PIP5K1B: variants seen among roughly 807,000 people sequenced by gnomAD.
The protein encoded by PIP5K1B is phosphatidylinositol-4-phosphate 5-kinase type 1 beta.
PIP5K1B carries 42 observed loss-of-function variants against 67.0 expected under a neutral mutation model. That is an observed-to-expected ratio of 0.63 (90% CI 0.49 to 0.81). The LOEUF (loss-of-function observed/expected upper bound fraction) is 0.81. Among genes scored for constraint, PIP5K1B ranks in the 30% least tolerant of loss-of-function variants. The pLI is 0.00. For missense variants in PIP5K1B, 459 were observed against 646.3 expected (o/e 0.71, Z 3.14); for synonymous variants, 214 against 231.4 (o/e 0.92, Z 0.68).
intron 8 of PIP5K1B, among the ~76,000 whole-genome samples, chr9:68,898,264 C>CCAAA (rs1825190247): frequency 6.6e-6 from 1 of 152,172 alleles, no homozygotes; most frequent in East Asian, 1.9e-4. Flanking sequence ...AGCAGGCATC[C>CCAAA]AGATGTCAGG....
At chr9:68,878,692 T>A (rs900117562) in intron 6 of PIP5K1B, among the ~76,000 whole-genome samples, 11 of 152,184 alleles carry the variant, frequency 7.2e-5, no homozygotes, top group Non-Finnish European at 1.6e-4. Context: ...GGAATACTAA[T>A]TTGTCTATGT....
chr9:68,844,980 A>C (rs1365122486), intron 4 of PIP5K1B, among the ~76,000 whole-genome samples: 3 of 152,226 alleles, frequency 2.0e-5, no homozygotes, highest in Non-Finnish European at 4.4e-5. Flanking sequence ...AAATGGTGGA[A>C]TGAAATATGT....
intron 1 of PIP5K1B, among the ~76,000 whole-genome samples, chr9:68,722,969 C>T (rs989645526): frequency 6.6e-6 from 1 of 152,148 alleles, no homozygotes; most frequent in Admixed American, 6.5e-5. Flanking sequence ...CCCTTCACAG[C>T]CTCTCATAAC....
intron 4 of PIP5K1B, among the ~76,000 whole-genome samples, chr9:68,844,331 A>G (rs11143985): frequency 0.014 from 2,121 of 152,316 alleles, 46 homozygotes; most frequent in African/African-American, 0.048. Context: ...AACCCACCAC[A>G]GTTTCCTCTA....
chr9:68,906,640 A>G (rs949656989), intron 8 of PIP5K1B, among the ~76,000 whole-genome samples: 6 of 152,224 alleles, frequency 3.9e-5, no homozygotes, highest in African/African-American at 4.8e-5. Context: ...TATTTAAAAT[A>G]TCTTCATCCA....
At chr9:68,979,514 G>GTTTCTCCCTCC (rs138060919) in intron 14 of PIP5K1B, among the ~76,000 whole-genome samples, 143,462 of 151,720 alleles carry the variant, frequency 0.95, 68,005 homozygotes, top group East Asian at 0.99. Flanking sequence ...CTTTAAAAAG[G>GTTTCTCCCTCC]AGGAACCCTT....
intron 14 of PIP5K1B, among the ~76,000 whole-genome samples, chr9:68,970,058 C>T (rs970044590): frequency 2.0e-5 from 3 of 152,098 alleles, no homozygotes; most frequent in Non-Finnish European, 4.4e-5. Context: ...AACCAGGGTG[C>T]ATAGAAGTGA....
intron 1 of PIP5K1B, among the ~76,000 whole-genome samples, chr9:68,721,901 C>A (rs142578002): frequency 6.6e-6 from 1 of 152,202 alleles, no homozygotes; most frequent in East Asian, 1.9e-4. Flanking sequence ...GTGGCTCATT[C>A]CGTTGTTTTC....
chr9:68,720,876 G>T (rs939039264), intron 1 of PIP5K1B, among the ~76,000 whole-genome samples: 11 of 152,172 alleles, frequency 7.2e-5, no homozygotes, highest in African/African-American at 2.7e-4. Flanking sequence ...CTTTGGTTTG[G>T]GTACATTCTG....
intron 15 of PIP5K1B, among the ~76,000 whole-genome samples, chr9:68,997,949 T>C (rs1587783870): frequency 6.6e-6 from 1 of 151,926 alleles, no homozygotes; most frequent in Non-Finnish European, 1.5e-5. Flanking sequence ...AATGACAGTT[T>C]GCAGGGCTGC....
At chr9:68,780,482 G>A in intron 2 of PIP5K1B, 1 of 1,614,242 alleles carries the variant, frequency 6.2e-7, no homozygotes, top group Non-Finnish European at 8.5e-7. Flanking sequence ...ACGAACGGGA[G>A]GTGCAGACCG....
At chr9:68,720,263 C>T (rs1293849172) in intron 1 of PIP5K1B, among the ~76,000 whole-genome samples, 10 of 152,190 alleles carry the variant, frequency 6.6e-5, no homozygotes, top group South Asian at 2.1e-4. Context: ...GTTCCTTCCC[C>T]GAGGAGCAGC....
At chr9:68,769,093 C>T (rs1417882927) in intron 2 of PIP5K1B, among the ~76,000 whole-genome samples, 1 of 152,096 alleles carries the variant, frequency 6.6e-6, no homozygotes, top group Non-Finnish European at 1.5e-5. Context: ...CCCTATTTCC[C>T]CGTATTATTT....
At chr9:68,878,285 A>G (rs564764606) in intron 6 of PIP5K1B, among the ~76,000 whole-genome samples, 1 of 152,304 alleles carries the variant, frequency 6.6e-6, no homozygotes, top group African/African-American at 2.4e-5. Flanking sequence ...GATCCAGTCA[A>G]TATGACCAGA....
chr9:68,936,451 T>TC (rs1361787272), intron 13 of PIP5K1B, among the ~76,000 whole-genome samples: 1 of 152,180 alleles, frequency 6.6e-6, no homozygotes, highest in Non-Finnish European at 1.5e-5. Context: ...ATTTGTTTTT[T>TC]CCCTTCTAAT....
chr9:68,929,077 C>T (rs562588007), intron 12 of PIP5K1B, among the ~76,000 whole-genome samples: 9 of 149,136 alleles, frequency 6.0e-5, no homozygotes, highest in Non-Finnish European at 7.4e-5. Context: ...GCAGGAGAAT[C>T]ACTTGAACCT....
At chr9:68,741,561 CCAAA>C (rs1165316609) in intron 1 of PIP5K1B, 5 of 152,172 alleles carry the variant, frequency 3.3e-5, no homozygotes, top group African/African-American at 1.2e-4. Context: ...TAGCATGTGA[CCAAA>C]CAGTGTCTCA....
intron 6 of PIP5K1B, among the ~76,000 whole-genome samples, chr9:68,880,916 C>G (rs1421837624): frequency 2.6e-5 from 4 of 152,206 alleles, no homozygotes; most frequent in Admixed American, 1.3e-4. Flanking sequence ...CCAAACCGCT[C>G]TATCTGGGAC....
At chr9:68,765,832 G>A (rs1830401032) in intron 2 of PIP5K1B, among the ~76,000 whole-genome samples, 1 of 152,118 alleles carries the variant, frequency 6.6e-6, no homozygotes, top group South Asian at 2.1e-4. Context: ...AGATCTGTTG[G>A]GAATGACAAT....
Sources: gnomAD v4.1 joint callset for allele counts (sites outside exome capture counted in the v4.1 genomes callset) on GRCh38, gnomAD v4.1.1 for gene constraint, MANE v1.5 for transcripts, NCBI Gene and HGNC (gene_info 2026-07-23, HGNC 2026-07-21) for gene names.